Variants in WDR59 observed in about 807,000 individuals in gnomAD.
WDR59 encodes WD repeat domain 59.
In WDR59, 100 loss-of-function variants were observed where a neutral mutation model predicts 131.2. That is an observed-to-expected ratio of 0.76 (90% CI 0.65 to 0.90). The LOEUF (loss-of-function observed/expected upper bound fraction) is 0.90. Ranked by LOEUF, WDR59 falls within the 40% of genes least tolerant of loss-of-function variation. WDR59 has a pLI of 0.00. For synonymous variants in WDR59, 601 were observed against 466.2 expected, an observed-to-expected ratio of 1.29 and a Z score of -3.72; for missense variants, 1,203 against 1,262.2, an observed-to-expected ratio of 0.95 and a Z score of 0.71.
intron 14 of WDR59, 164 bp downstream of exon 14, chr16:74,912,034 G>T: frequency 2.2e-6 from 2 of 911,108 alleles, no homozygotes; most frequent in Non-Finnish European, 3.3e-6. Context: ...GATGTTTTCT[G>T]CACAAAGTAA....
At chr16:74,883,982 G>A (rs80109809) in intron 25 of WDR59, among the ~76,000 whole-genome samples, 199 of 152,276 alleles carry the variant, frequency 1.3e-3, no homozygotes, top group African/African-American at 4.4e-3. Context: ...TCTTCCAGTC[G>A]TTTCCATCTG....
At chr16:74,938,008 T>C (rs2031938664) in intron 8 of WDR59, 142 bp downstream of exon 8, 1 of 541,000 alleles carries the variant, frequency 1.8e-6, no homozygotes, top group African/African-American at 1.9e-5. Context: ...ACCAAATTTA[T>C]GTGTTCAGTT....
Position 74,886,001 on chromosome 16 carries a change from A to G in WDR59, c.2547-206T>C, listed in dbSNP as rs570313615. 1.4e-4 allele frequency: 95 copies of G among 682,998 alleles called. 2 individuals carry two copies. The South Asian group carries it at 1.9e-3, about 13-fold the overall frequency. The allele number at this position is 682,998 out of a possible 1,614,324, so 42.3% of individuals were successfully genotyped here. Reference sequence around the variant, plus strand: ...AGACCAGCCTGGCCAACATGGTGAAACCCTGTCTGTACTAAAAATACAAAA... The same window carrying G: ...AGACCAGCCTGGCCAACATGGTGAAGCCCTGTCTGTACTAAAAATACAAAA... On this transcript the variant is annotated intron_variant, in intron 24 of 25. Coordinates refer to ENST00000262144, the MANE Select transcript of WDR59 (RefSeq NM_030581.4).
intron 8 of WDR59, among the ~76,000 whole-genome samples, chr16:74,935,855 G>C (rs1243683749): frequency 6.6e-6 from 1 of 152,026 alleles, no homozygotes; most frequent in Non-Finnish European, 1.5e-5. Flanking sequence ...AAGTTAGCTG[G>C]ACATGGTGGC....
chr16:74,921,137 G>C (rs778632924), intron 10 of WDR59, among the ~76,000 whole-genome samples: 14 of 152,016 alleles, frequency 9.2e-5, no homozygotes, highest in Middle Eastern at 6.8e-3. Context: ...GTGCAGGTTT[G>C]TTACAAAGGC....
intron 1 of WDR59, chr16:74,978,878 T>C (rs1165436452): frequency 6.6e-6 from 1 of 152,194 alleles, no homozygotes; most frequent in African/African-American, 2.4e-5. Context: ...TTCTCGCAGA[T>C]CCTGAAGTGG....
intron 25 of WDR59, among the ~76,000 whole-genome samples, chr16:74,878,701 T>G (rs1196517079): frequency 6.6e-6 from 1 of 152,190 alleles, no homozygotes; most frequent in Non-Finnish European, 1.5e-5. Flanking sequence ...AGTACTCCTT[T>G]CGTTTGGCAA....
rs1490486257 is a variant in WDR59 at position 74,916,275 on chromosome 16, G to C, written c.967-16C>G. The C allele has an allele frequency of 5.0e-6, 8 of 1,613,474 alleles. No individual in the cohort carries two copies. Among genetic ancestry groups the C allele is most frequent in the Non-Finnish European group, 6.8e-6 (8 of 1,179,892 alleles). ...TTGCACAAAGCTGCAACAAAGGGTA[G>C]AAGATGTAGTTCTAGAGAAGTCCGT... On this transcript the variant is annotated splice_polypyrimidine_tract_variant and intron_variant, in intron 11 of 25. Transcript: ENST00000262144.
chr16:74,954,688 T>C (rs1157374639), intron 3 of WDR59, among the ~76,000 whole-genome samples: 9 of 152,358 alleles, frequency 5.9e-5, no homozygotes, highest in African/African-American at 9.6e-5. Context: ...TCCACACATA[T>C]GTTCATACCA....
rs1297852024 is a variant in WDR59 at position 74,871,664 on chromosome 16, G to C, written c.*2545C>G. 1 of 152,198 alleles carries C rather than the reference G, an allele frequency of 6.6e-6. No homozygotes were observed. Among genetic ancestry groups the C allele is most frequent in the Non-Finnish European group, 1.5e-5 (1 of 68,032 alleles). 9.4% of individuals were successfully genotyped at this position (152,198 alleles called of 1,614,324 possible). Reference sequence around the variant, plus strand: ...GGGACAGGTTTTTACACTAACTTGAGCAGTGGGGAACAGGAAAAGATTGCT... The same window carrying C: ...GGGACAGGTTTTTACACTAACTTGACCAGTGGGGAACAGGAAAAGATTGCT... On this transcript the variant is annotated 3_prime_UTR_variant, in exon 26 of 26. Transcript: ENST00000262144.
rs553094324 is a variant in WDR59, at chr16:74,956,991, A to G, written c.105-381T>C. Among the ~76,000 whole-genome samples the G allele has an allele frequency of 2.0e-5, 3 of 152,088 alleles. No individual in the cohort carries two copies. In the South Asian group the frequency reaches 6.2e-4, roughly 32 times the overall value. Reference sequence around the variant, plus strand: ...AGTTTGCATTTTGACCACAGCATTTATCTTGTAGCAGGACTAATAATTTAA... The same window carrying G: ...AGTTTGCATTTTGACCACAGCATTTGTCTTGTAGCAGGACTAATAATTTAA... On this transcript the variant is annotated intron_variant, in intron 2 of 25. Transcript: ENST00000262144.
At chr16:74,966,117 G>T (rs1051503709) in intron 1 of WDR59, among the ~76,000 whole-genome samples, 5 of 151,994 alleles carry the variant, frequency 3.3e-5, no homozygotes, top group African/African-American at 9.7e-5. Flanking sequence ...ATTCATTTTT[G>T]ACAATAGGGC....
intron 25 of WDR59, among the ~76,000 whole-genome samples, chr16:74,880,654 G>C (rs112317411): frequency 2.6e-5 from 4 of 152,296 alleles, no homozygotes; most frequent in African/African-American, 9.6e-5. Context: ...TCACAGGTAA[G>C]AGGCACAGGA....
intron 17 of WDR59, among the ~76,000 whole-genome samples, chr16:74,906,635 C>A (rs1209118589): frequency 6.6e-6 from 1 of 152,170 alleles, no homozygotes; most frequent in Non-Finnish European, 1.5e-5. Context: ...ATCCACAGGA[C>A]AACGAATAAA....
intron 2 of WDR59, chr16:74,959,505 C>T (rs1326072978): frequency 1.3e-5 from 6 of 451,310 alleles, no homozygotes; most frequent in East Asian, 1.4e-4. Context: ...GCAGCTCACA[C>T]TGGAACTCTT....
At chr16:74,903,258 TA>T (rs959928921) in intron 18 of WDR59, among the ~76,000 whole-genome samples, 1 of 152,224 alleles carries the variant, frequency 6.6e-6, no homozygotes, top group Admixed American at 6.5e-5. Context: ...TAACTCTGTT[TA>T]AAACATCATG....
chr16:74,908,312 G>A (rs544102898), intron 17 of WDR59, among the ~76,000 whole-genome samples: 2 of 152,032 alleles, frequency 1.3e-5, no homozygotes, highest in Non-Finnish European at 2.9e-5. Flanking sequence ...CAGCTACTTG[G>A]GAGGCTGAGG....
intron 17 of WDR59, among the ~76,000 whole-genome samples, chr16:74,908,268 A>C (rs1301888509): frequency 6.6e-6 from 1 of 152,100 alleles, no homozygotes; most frequent in Non-Finnish European, 1.5e-5. Context: ...AATTATAAAA[A>C]TTAGCCAGAC....
At chr16:74,933,931 C>G (rs1184503362) in intron 8 of WDR59, among the ~76,000 whole-genome samples, 2 of 152,182 alleles carry the variant, frequency 1.3e-5, no homozygotes, top group Non-Finnish European at 2.9e-5. Flanking sequence ...TTGCCAAATT[C>G]AGGTCCTATG....
Sources: gnomAD v4.1 joint callset for allele counts (sites outside exome capture counted in the v4.1 genomes callset) on GRCh38, gnomAD v4.1.1 for gene constraint, MANE v1.5 for transcripts, NCBI Gene and HGNC (gene_info 2026-07-23, HGNC 2026-07-21) for gene names.